Variants in FGF16 observed in about 807,000 individuals in gnomAD.
The protein encoded by FGF16 is metacarpal 4-5 fusion.
Under a neutral mutation model 8.5 loss-of-function variants are expected in FGF16, and 2 were observed. That is an observed-to-expected ratio of 0.24 (90% CI 0.10 to 0.75). FGF16 has a LOEUF of 0.75. Ranked by LOEUF, FGF16 falls within the 30% of genes least tolerant of loss-of-function variation. The probability of loss-of-function intolerance (pLI) is 0.74; values close to 1 mark genes in which losing one functional copy is unlikely to be tolerated. For missense variants in FGF16, 79 were observed against 87.4 expected (o/e 0.90, Z 0.38); for synonymous variants, 33 against 34.6 (o/e 0.95, Z 0.16).
Position 77,452,948 on chromosome X carries a change from G to A in FGF16, c.275-1209G>A, listed in dbSNP as rs139494920. Among the ~76,000 whole-genome samples the A allele has an allele frequency of 3.9e-3, 437 of 110,748 alleles. 2 individuals are homozygous for A. Among genetic ancestry groups the A allele is most frequent in the East Asian group, 7.1e-3 (25 of 3,502 alleles). On this transcript the variant is annotated intron_variant, in intron 1 of 2. Transcript: ENST00000439435. Reference sequence around the variant, plus strand: ...AAAAATTAGCTGGGTGTGGTGATGCGTGCATGTAGTCCCAGCTACGAGGGA... The same window carrying A: ...AAAAATTAGCTGGGTGTGGTGATGCATGCATGTAGTCCCAGCTACGAGGGA...
At position 77,452,793 on chromosome X, in the gene FGF16, T is replaced by C. The variant is rs782254481; in HGVS notation, c.275-1364T>C. On this transcript the variant is annotated intron_variant, in intron 1 of 2. Transcript: ENST00000439435. ...ATTATTACCCTTAAGAATTGCATTT[T>C]TGGGCCAGGCACAGTGGTGCATGCC... Among the ~76,000 whole-genome samples the C allele has an allele frequency of 2.7e-5, 3 of 112,463 alleles. No individual in the cohort carries two copies. In the East Asian group the frequency reaches 8.3e-4, roughly 31 times the overall value.
Position 77,447,583 on chromosome X carries a change from C to G in FGF16, c.-92C>G, listed in dbSNP as rs1362875668. On this transcript the variant is annotated 5_prime_UTR_variant, in exon 1 of 3. Transcript: ENST00000439435. Reference sequence around the variant, plus strand: ...AGCGAGGGAGCGCCGCCGAACCGCCCGCGCCCGCTGCGGGGAGAGGCAGTT... The same window carrying G: ...AGCGAGGGAGCGCCGCCGAACCGCCGGCGCCCGCTGCGGGGAGAGGCAGTT... 1 of 291,570 alleles carries G rather than the reference C, an allele frequency of 3.4e-6. No individual in the cohort carries two copies. Among genetic ancestry groups the G allele is most frequent in the Non-Finnish European group, 6.0e-6 (1 of 166,286 alleles). 24.0% of individuals were successfully genotyped at this position (291,570 alleles called of 1,213,427 possible). A position where few individuals can be genotyped will look rare whatever the true frequency, so the allele number is the denominator to read the frequency against.
chrX:77,454,283 T>G lies in FGF16; in HGVS notation c.378+23T>G, dbSNP rs782482248. ...TCGGTAAGTTTAAGGTTTTTTTTTT[T>G]TTTTTTTTTTTTTTTTTTTGGTCAG... On this transcript the variant is annotated intron_variant, in intron 2 of 2. Transcript: ENST00000439435. 3.5e-4 allele frequency: 273 copies of G among 786,897 alleles called. 1 individual carries two copies. The highest frequency in any genetic ancestry group is 4.3e-4 in the Middle Eastern group (1 of 2,346). 64.8% of individuals were successfully genotyped at this position (786,897 alleles called of 1,213,427 possible).
rs782070291 is a variant in FGF16 at position 77,456,731 on chromosome X, C to G, written c.*209C>G. The G allele has an allele frequency of 2.7e-6, 1 of 374,722 alleles. No individual in the cohort carries two copies. The highest frequency in any genetic ancestry group is 4.3e-5 in the East Asian group (1 of 23,172). 30.9% of individuals were successfully genotyped at this position (374,722 alleles called of 1,213,427 possible). A position where few individuals can be genotyped will look rare whatever the true frequency, so the allele number is the denominator to read the frequency against. On this transcript the variant is annotated 3_prime_UTR_variant, in exon 3 of 3. Transcript: ENST00000439435. ...TTGGGGAGGGATGGGGGGCTGGGCT[C>G]GAGGGAATCTTGTATATACTTTTTT... is the stretch of plus-strand genomic sequence containing the variant.
intron 2 of FGF16, among the ~76,000 whole-genome samples, chrX:77,455,536 T>C (rs2062569539): frequency 9.0e-6 from 1 of 111,678 alleles, no homozygotes; most frequent in Non-Finnish European, 1.9e-5. Flanking sequence ...CCTTAACCCT[T>C]CCAGGGGATC....
chrX:77,452,417 G>T (rs782453123), intron 1 of FGF16, among the ~76,000 whole-genome samples: 3 of 112,579 alleles, frequency 2.7e-5, no homozygotes, highest in Non-Finnish European at 3.7e-5. Context: ...CCCTCCTACC[G>T]TCTTGTCTCA....
At position 77,456,242 on chromosome X, in the gene FGF16, A is replaced by T. The variant is rs782321076; in HGVS notation, c.379-35A>T. 128 of 1,194,523 alleles carry T rather than the reference A, an allele frequency of 1.1e-4. 1 individual carries two copies. In the Admixed American group the frequency reaches 2.6e-3, roughly 24 times the overall value. On this transcript the variant is annotated intron_variant, in intron 2 of 2. Transcript: ENST00000439435. ...AAGCTGGGATAGGAGAAATAGTCAT[A>T]TAATGGGTTCTGCTTTATTTTCTCA...
intron 1 of FGF16, among the ~76,000 whole-genome samples, chrX:77,453,955 G>A (rs912173387): frequency 2.7e-5 from 3 of 111,372 alleles, no homozygotes; most frequent in Admixed American, 9.6e-5. Flanking sequence ...TTTTACATAT[G>A]GAAAAACTGA....
Position 77,449,283 on chromosome X carries a change from G to C in FGF16, c.274+1335G>C, listed in dbSNP as rs782275007. ...ACTCAAACATAGCTAGAGTACAGTA[G>C]GTTGGGAGGGGTAATGGAGGGGTGC... is the stretch of plus-strand genomic sequence containing the variant. On this transcript the variant is annotated intron_variant, in intron 1 of 2. Coordinates refer to ENST00000439435, the MANE Select transcript of FGF16 (RefSeq NM_003868.3). 1.4e-4 allele frequency among the ~76,000 whole-genome samples: 16 copies of C among 111,659 alleles called. 1 individual carries two copies. In the South Asian group the frequency reaches 6.1e-3, roughly 42 times the overall value.
At chrX:77,448,513 G>T (rs1331896902) in intron 1 of FGF16, among the ~76,000 whole-genome samples, 1 of 112,244 alleles carries the variant, frequency 8.9e-6, no homozygotes, top group Non-Finnish European at 1.9e-5. Context: ...CACGAATTGG[G>T]AATCTAGGAA....
chrX:77,449,106 G>A (rs1351397109), intron 1 of FGF16, among the ~76,000 whole-genome samples: 2 of 111,434 alleles, frequency 1.8e-5, no homozygotes, highest in African/African-American at 6.5e-5. Context: ...TGCCTTGCTA[G>A]AGCTGCATCT....
intron 2 of FGF16, 112 bp downstream of exon 2, chrX:77,454,372 C>A: frequency 6.8e-6 from 3 of 444,330 alleles, no homozygotes; most frequent in Non-Finnish European, 3.5e-6. Context: ...ATCTGGGGAC[C>A]AGGCATGGTG....
chrX:77,449,565 G>T (rs2062551160), intron 1 of FGF16, among the ~76,000 whole-genome samples: 1 of 111,357 alleles, frequency 9.0e-6, no homozygotes, highest in African/African-American at 3.3e-5. Context: ...GTGGGGTGGG[G>T]GTAGCGAAAG....
chrX:77,452,458 C>T (rs1477259420), intron 1 of FGF16, among the ~76,000 whole-genome samples: 2 of 112,757 alleles, frequency 1.8e-5, no homozygotes, highest in African/African-American at 6.4e-5. Flanking sequence ...TTTCTTTGTA[C>T]TGTAAAATTT....
chrX:77,451,430 A>G (rs1366880354), intron 1 of FGF16, among the ~76,000 whole-genome samples: 1 of 112,283 alleles, frequency 8.9e-6, no homozygotes, highest in Non-Finnish European at 1.9e-5. Flanking sequence ...AAAGGCTCCC[A>G]CGTTAGTGTC....
intron 1 of FGF16, among the ~76,000 whole-genome samples, chrX:77,451,490 C>T (rs1383319408): frequency 2.7e-5 from 3 of 111,716 alleles, no homozygotes; most frequent in African/African-American, 9.8e-5. Context: ...TTCTAGTTTC[C>T]TTTCCATACT....
At position 77,450,986 on chromosome X, in the gene FGF16, C is replaced by A. The variant is rs782447668; in HGVS notation, c.274+3038C>A. On this transcript the variant is annotated intron_variant, in intron 1 of 2. Coordinates refer to ENST00000439435, the MANE Select transcript of FGF16 (RefSeq NM_003868.3). ...TATGAAAATGGCTTATTTTCTCTCC[C>A]CCTTCATGCTGGCTGGGATTCAGGA... is the stretch of plus-strand genomic sequence containing the variant. Among the ~76,000 whole-genome samples the A allele has an allele frequency of 3.6e-5, 4 of 112,102 alleles. No individual in the cohort carries two copies. The East Asian group carries it at 8.4e-4, about 24-fold the overall frequency.
At chrX:77,448,291 G>A (rs1014572298) in intron 1 of FGF16, among the ~76,000 whole-genome samples, 9 of 112,857 alleles carry the variant, frequency 8.0e-5, no homozygotes, top group Non-Finnish European at 1.1e-4. Context: ...CGCCTAGGAG[G>A]CCGGGACCGT....
intron 1 of FGF16, among the ~76,000 whole-genome samples, chrX:77,450,023 C>T (rs1254248125): frequency 2.7e-5 from 3 of 112,211 alleles, no homozygotes; most frequent in Non-Finnish European, 5.6e-5. Flanking sequence ...TACTCTTTCT[C>T]AGTTTAGCTT....
Sources: allele counts gnomAD v4.1 joint callset (sites outside exome capture counted in the v4.1 genomes callset), GRCh38; gene constraint gnomAD v4.1.1; transcripts MANE v1.5; gene names NCBI Gene and HGNC (gene_info 2026-07-23, HGNC 2026-07-21).